The following WDPCP variants were observed in gnomAD, a reference collection of about 807,000 sequenced individuals.
The protein encoded by WDPCP is WD repeat containing planar cell polarity effector, also known as WD repeat-containing and planar cell polarity effector protein fritz homolog.
Under a neutral mutation model 93.1 loss-of-function variants are expected in WDPCP, and 71 were observed. The observed-to-expected ratio is 0.76, with a 90% CI of 0.63 to 0.93. WDPCP has a LOEUF of 0.93. WDPCP is among the 40% of genes least tolerant of loss of function. The pLI, the probability that WDPCP is intolerant of heterozygous loss-of-function variation, is 0.00. For synonymous variants in WDPCP, 315 were observed against 315.0 expected (o/e 1.00, Z 0.00); for missense variants, 844 against 887.4 (o/e 0.95, Z 0.62).
At chr2:63,189,471 G>A (rs62180324) in intron 14 of WDPCP, among the ~76,000 whole-genome samples, 22,041 of 152,040 alleles carry the variant, frequency 0.14, 1,977 homozygotes, top group Middle Eastern at 0.21. Flanking sequence ...TATGTTACAG[G>A]TGATTTGTCT....
intron 2 of WDPCP, among the ~76,000 whole-genome samples, chr2:63,734,866 TAGATAGAC>T (rs1222735031): frequency 0.024 from 3,136 of 132,054 alleles, 95 homozygotes; most frequent in African/African-American, 0.079. Context: ...TGGAGATAGA[TAGATAGAC>T]AGACAGACAG....
In WDPCP at chr2:63,588,468, C is replaced by T; in HGVS notation, c.-197G>A. ...CAACCTGAGAAGCTGTCCGGTCGTC[C>T]CAACTTATCAATTCCCCCGCCCCTC... On this transcript the variant is annotated 5_prime_UTR_variant, in exon 1 of 18. Transcript: ENST00000272321. The T allele has an allele frequency of 1.5e-6, 1 of 671,438 alleles. No individual in the cohort carries two copies. The highest frequency in any genetic ancestry group is 2.7e-6 in the Non-Finnish European group (1 of 371,194). 41.6% of individuals were successfully genotyped at this position (671,438 alleles called of 1,614,324 possible).
At chr2:63,511,001 C>A (rs956392531) in intron 1 of WDPCP, among the ~76,000 whole-genome samples, 10 of 152,020 alleles carry the variant, frequency 6.6e-5, no homozygotes, top group African/African-American at 1.9e-4. Context: ...AAATAAAACC[C>A]CATCATCTCA....
intron 6 of WDPCP, among the ~76,000 whole-genome samples, chr2:63,466,204 C>T (rs1337371777): frequency 2.6e-5 from 4 of 152,050 alleles, no homozygotes; most frequent in Non-Finnish European, 5.9e-5. Flanking sequence ...CCACTGTGAA[C>T]ATTTTATATA....
chr2:63,352,720 A>C (rs954767462), intron 12 of WDPCP, among the ~76,000 whole-genome samples: 2 of 152,174 alleles, frequency 1.3e-5, no homozygotes, highest in Admixed American at 6.5e-5. Context: ...TGAGCATATG[A>C]TCTTGGTGCC....
At chr2:63,750,512 G>T (rs190134456) in intron 2 of WDPCP, among the ~76,000 whole-genome samples, 1 of 151,778 alleles carries the variant, frequency 6.6e-6, no homozygotes, top group East Asian at 1.9e-4. Flanking sequence ...TTGTCTTATT[G>T]CAATAACTAG....
chr2:63,142,391 A>G (rs1165310952), intron 17 of WDPCP, among the ~76,000 whole-genome samples: 13 of 151,792 alleles, frequency 8.6e-5, no homozygotes, highest in Non-Finnish European at 1.5e-5. Flanking sequence ...TTCATTTTTG[A>G]CTCAATGCTC....
At chr2:63,621,643 G>A (rs1366264819) in intron 3 of WDPCP, among the ~76,000 whole-genome samples, 1 of 152,066 alleles carries the variant, frequency 6.6e-6, no homozygotes, top group Non-Finnish European at 1.5e-5. Flanking sequence ...TAGCAAGGCA[G>A]GCCAACATTC....
intron 2 of WDPCP, among the ~76,000 whole-genome samples, chr2:63,701,299 CAA>C (rs1310252035): frequency 6.6e-6 from 1 of 152,068 alleles, no homozygotes; most frequent in Non-Finnish European, 1.5e-5. Context: ...ATCAAAATCA[CAA>C]AGAGATCTCT....
At chr2:63,554,993 TC>T (rs1278821281) in intron 1 of WDPCP, among the ~76,000 whole-genome samples, 3 of 152,116 alleles carry the variant, frequency 2.0e-5, no homozygotes, top group African/African-American at 7.2e-5. Context: ...AATTAGGAGA[TC>T]CCCTCATGAG....
chr2:63,322,083 T>C (rs896880522), intron 12 of WDPCP, among the ~76,000 whole-genome samples: 2 of 152,184 alleles, frequency 1.3e-5, no homozygotes, highest in African/African-American at 2.4e-5. Flanking sequence ...GAATTGTAAA[T>C]GCACCAATCA....
At chr2:63,154,783 C>G (rs1161723104) in intron 15 of WDPCP, among the ~76,000 whole-genome samples, 2 of 152,118 alleles carry the variant, frequency 1.3e-5, no homozygotes, top group East Asian at 3.8e-4. Context: ...AGTTCAGTTA[C>G]TTTGCATCAT....
chr2:63,838,691 G>GA, the WDPCP span, among the ~76,000 whole-genome samples: 5 of 151,950 alleles, frequency 3.3e-5, no homozygotes, highest in Admixed American at 6.5e-5. Context: ...AGTATCTTAT[G>GA]AAAAAAAGGA....
At chr2:63,839,727 T>C in the WDPCP span, among the ~76,000 whole-genome samples, 1 of 152,252 alleles carries the variant, frequency 6.6e-6, no homozygotes, top group Non-Finnish European at 1.5e-5. Context: ...ATTTTTGTAC[T>C]GTATACAAAG....
intron 12 of WDPCP, among the ~76,000 whole-genome samples, chr2:63,346,670 T>A (rs1214995916): frequency 2.0e-5 from 3 of 152,286 alleles, no homozygotes; most frequent in Admixed American, 6.5e-5. Context: ...AGCCAAAGAC[T>A]CAAGGTGACT....
At chr2:63,332,123 T>A (rs1240904895) in intron 12 of WDPCP, among the ~76,000 whole-genome samples, 1 of 150,846 alleles carries the variant, frequency 6.6e-6, no homozygotes, top group Non-Finnish European at 1.5e-5. Context: ...TATGTATATA[T>A]ATATTTTTAT....
At chr2:63,363,533 G>A (rs1383693689) in intron 12 of WDPCP, among the ~76,000 whole-genome samples, 1 of 152,098 alleles carries the variant, frequency 6.6e-6, no homozygotes, top group African/African-American at 2.4e-5. Flanking sequence ...GAGAGGTTGA[G>A]GCTGCAGTGA....
At chr2:63,424,580 G>T (rs1355403423) in intron 9 of WDPCP, among the ~76,000 whole-genome samples, 1 of 152,178 alleles carries the variant, frequency 6.6e-6, no homozygotes, top group African/African-American at 2.4e-5. Context: ...CCAAACCAGG[G>T]GCCAGAGAGC....
At chr2:63,258,534 C>G (rs561737236) in intron 14 of WDPCP, among the ~76,000 whole-genome samples, 1 of 125,842 alleles carries the variant, frequency 7.9e-6, no homozygotes, top group Non-Finnish European at 2.0e-5. Context: ...ATTTTTCAAG[C>G]ACTTAAAAGT....
Sources: allele counts gnomAD v4.1 joint callset (sites outside exome capture counted in the v4.1 genomes callset), GRCh38; gene constraint gnomAD v4.1.1; transcripts MANE v1.5; gene names NCBI Gene and HGNC (gene_info 2026-07-23, HGNC 2026-07-21).